Variants in FGF13 observed in about 807,000 individuals in gnomAD.
FGF13 encodes fibroblast growth factor 13, also known as fibroblast growth factor homologous factor 2.
A neutral mutation model predicts 19.5 loss-of-function variants in FGF13; 2 were observed. The observed-to-expected ratio is 0.10, with a 90% CI of 0.04 to 0.32. The LOEUF is 0.32. Among genes scored for constraint, FGF13 ranks in the 10% least tolerant of loss-of-function variants. The pLI is 1.00. For missense variants in FGF13, 113 were observed against 192.7 expected (o/e 0.59, Z 2.45); for synonymous variants, 72 against 76.9 (o/e 0.94, Z 0.33).
intron 1 of FGF13, among the ~76,000 whole-genome samples, chrX:139,177,074 C>A (rs1380895823): frequency 9.1e-6 from 1 of 110,372 alleles, no homozygotes; most frequent in East Asian, 2.9e-4. Flanking sequence ...TAAGAATTTT[C>A]TTTATGAATC....
At chrX:139,123,052 G>C (rs909148662) in intron 1 of FGF13, among the ~76,000 whole-genome samples, 4 of 110,517 alleles carry the variant, frequency 3.6e-5, no homozygotes, top group African/African-American at 1.3e-4. Flanking sequence ...ATGTTCCAGG[G>C]TGGCGGGAGC....
chrX:138,799,836 C>T (rs1023912013), intron 3 of FGF13, among the ~76,000 whole-genome samples: 1 of 111,520 alleles, frequency 9.0e-6, no homozygotes, highest in Non-Finnish European at 1.9e-5. Context: ...TATGTAATGG[C>T]CTTCTTTGTC....
intron 1 of FGF13, among the ~76,000 whole-genome samples, chrX:138,968,945 T>A (rs1449973566): frequency 8.9e-6 from 1 of 112,334 alleles, no homozygotes; most frequent in Non-Finnish European, 1.9e-5. Context: ...ATACCCAGTA[T>A]CTAAACAAGT....
intron 1 of FGF13, among the ~76,000 whole-genome samples, chrX:139,092,505 T>C (rs1288125927): frequency 8.9e-6 from 1 of 112,243 alleles, no homozygotes; most frequent in Non-Finnish European, 1.9e-5. Flanking sequence ...CATCAACAAC[T>C]GCATCCCATT....
chrX:139,182,645 G>C (rs190118042), intron 1 of FGF13, among the ~76,000 whole-genome samples: 1 of 111,259 alleles, frequency 9.0e-6, no homozygotes, highest in Admixed American at 9.6e-5. Flanking sequence ...GGGTGGGGAA[G>C]GTAGCAAAAT....
intron 3 of FGF13, among the ~76,000 whole-genome samples, chrX:138,805,934 A>T (rs1337092539): frequency 1.8e-5 from 2 of 111,726 alleles, no homozygotes; most frequent in South Asian, 3.8e-4. Context: ...TTATTTGATT[A>T]AAAAAGTCTA....
At chrX:139,009,504 C>A (rs1418175309) in intron 1 of FGF13, among the ~76,000 whole-genome samples, 2 of 111,585 alleles carry the variant, frequency 1.8e-5, no homozygotes, top group Non-Finnish European at 3.8e-5. Flanking sequence ...TTTTTAGCTT[C>A]CTTAAACAAA....
chrX:139,048,939 G>A (rs992181878), intron 1 of FGF13, among the ~76,000 whole-genome samples: 1 of 111,404 alleles, frequency 9.0e-6, no homozygotes, highest in African/African-American at 3.3e-5. Context: ...TTCTAAAACA[G>A]TGTTGAATAG....
At chrX:138,765,395 C>T (rs749041986) in intron 3 of FGF13, among the ~76,000 whole-genome samples, 10 of 111,535 alleles carry the variant, frequency 9.0e-5, no homozygotes, top group Non-Finnish European at 1.7e-4. Flanking sequence ...GTCCTGTTCT[C>T]TATTATAAAT....
intron 1 of FGF13, among the ~76,000 whole-genome samples, chrX:139,037,999 G>T (rs2092256241): frequency 9.0e-6 from 1 of 111,229 alleles, no homozygotes; most frequent in African/African-American, 3.3e-5. Context: ...TTTCCCTCTG[G>T]CTTCCACTTG....
chrX:139,108,623 A>G (rs971734197), intron 1 of FGF13, among the ~76,000 whole-genome samples: 58 of 111,131 alleles, frequency 5.2e-4, no homozygotes, highest in African/African-American at 1.8e-3. Context: ...GTGTATTCGA[A>G]GTTCTCATTC....
intron 3 of FGF13, among the ~76,000 whole-genome samples, chrX:138,822,365 A>G (rs1407246368): frequency 8.9e-6 from 1 of 112,109 alleles, no homozygotes; most frequent in African/African-American, 3.2e-5. Context: ...GAAACAAATT[A>G]CCAAAAGCTA....
At chrX:138,820,922 C>T (rs1264305407) in intron 3 of FGF13, among the ~76,000 whole-genome samples, 1 of 111,339 alleles carries the variant, frequency 9.0e-6, no homozygotes, top group Non-Finnish European at 1.9e-5. Context: ...GACTAAGACA[C>T]TAGGAAGCTT....
intron 3 of FGF13, among the ~76,000 whole-genome samples, chrX:138,748,957 T>C (rs185217395): frequency 8.9e-5 from 10 of 111,744 alleles, no homozygotes; most frequent in African/African-American, 3.3e-4. Context: ...GTTTAACAAG[T>C]GTCTAATCTG....
At chrX:138,769,267 C>T (rs746497641) in intron 3 of FGF13, among the ~76,000 whole-genome samples, 18 of 111,435 alleles carry the variant, frequency 1.6e-4, no homozygotes, top group Non-Finnish European at 3.0e-4. Context: ...TTATAGTAAG[C>T]TTAACAGTAA....
intron 1 of FGF13, among the ~76,000 whole-genome samples, chrX:139,063,151 G>A (rs1234075187): frequency 1.8e-5 from 2 of 111,729 alleles, no homozygotes; most frequent in African/African-American, 6.5e-5. Context: ...GAAGTAAGAT[G>A]AGAGACAGCA....
intron 1 of FGF13, among the ~76,000 whole-genome samples, chrX:139,150,196 G>GA (rs989686971): frequency 9.0e-5 from 10 of 111,263 alleles, no homozygotes; most frequent in Non-Finnish European, 1.9e-4. Context: ...GAAAAACTCA[G>GA]AAACTCCAGC....
At chrX:138,710,341 C>G (rs1254018137) in intron 1 of FGF13, among the ~76,000 whole-genome samples, 1 of 106,064 alleles carries the variant, frequency 9.4e-6, no homozygotes, top group Non-Finnish European at 1.9e-5. Context: ...AACGCAATGC[C>G]TAGACAGCAG....
At chrX:138,655,541 T>C (rs2089427920) in intron 3 of FGF13, among the ~76,000 whole-genome samples, 1 of 111,424 alleles carries the variant, frequency 9.0e-6, no homozygotes, top group South Asian at 3.7e-4. Context: ...GGTGAGACTA[T>C]TGATAACAGG....
Sources: gnomAD v4.1 joint callset for allele counts (sites outside exome capture counted in the v4.1 genomes callset) on GRCh38, gnomAD v4.1.1 for gene constraint, MANE v1.5 for transcripts, NCBI Gene and HGNC (gene_info 2026-07-23, HGNC 2026-07-21) for gene names.